The following DCHS2 variants were observed in gnomAD, a reference collection of about 807,000 sequenced individuals.
DCHS2 encodes the protein protocadherin-23.
DCHS2 carries 142 observed loss-of-function variants against 182.4 expected under a neutral mutation model. The ratio of observed to expected loss-of-function variants is 0.78; its 90% CI spans 0.68 to 0.89. DCHS2 has a LOEUF of 0.89. Ranked by LOEUF, DCHS2 falls within the 40% of genes least tolerant of loss-of-function variation. The probability of loss-of-function intolerance (pLI) is 0.00; values close to 1 mark genes in which losing one functional copy is unlikely to be tolerated. For synonymous variants in DCHS2, 1,740 were observed against 1,663.3 expected (o/e 1.05, Z -1.12); for missense variants, 4,319 against 4,198.6 (o/e 1.03, Z -0.79).
At chr4:154,385,842 C>T (rs1049516358) in intron 1 of DCHS2, among the ~76,000 whole-genome samples, 2 of 151,998 alleles carry the variant, frequency 1.3e-5, no homozygotes, top group South Asian at 2.1e-4. Flanking sequence ...GTTACTGCAG[C>T]CCTAGGAAAT....
At chr4:154,381,212 T>C (rs960463792) in intron 1 of DCHS2, among the ~76,000 whole-genome samples, 15 of 152,128 alleles carry the variant, frequency 9.9e-5, no homozygotes, top group Non-Finnish European at 1.5e-5. Flanking sequence ...TAGACAGAGA[T>C]GAATCTGATA....
At chr4:154,289,266 T>C (rs11099948) in intron 13 of DCHS2, among the ~76,000 whole-genome samples, 54,940 of 151,776 alleles carry the variant, frequency 0.36, 10,143 homozygotes, top group East Asian at 0.49. Context: ...TTCCGACAGA[T>C]ACTACATAAA....
intron 14 of DCHS2, among the ~76,000 whole-genome samples, chr4:154,268,001 G>T (rs962183431): frequency 2.0e-5 from 3 of 152,146 alleles, no homozygotes; most frequent in African/African-American, 4.8e-5. Flanking sequence ...TTCTATTCAA[G>T]TCTTCCACCC....
In DCHS2 at chr4:154,329,595, G is replaced by C; in HGVS notation, c.3846C>G (p.Val1282=). The change falls in exon 6 of 20, where the codon GTC becomes GTG. Residue 1282 remains valine (V), a synonymous_variant. Transcript: ENST00000357232. ...PPRNATMAVY[V]SVTDINDNRP... ...TGTTATCATTGATGTCAGTAACTGA[G>C]ACGTAAACCGCCATGGTGGCGTTTC... is the stretch of plus-strand genomic sequence containing the variant. 6.2e-7 allele frequency: 1 copy of C among 1,613,474 alleles called. No homozygotes were observed. The highest frequency in any genetic ancestry group is 8.5e-7 in the Non-Finnish European group (1 of 1,179,906).
chr4:154,391,594 C>T (rs922243424), intron 1 of DCHS2, among the ~76,000 whole-genome samples: 2 of 152,156 alleles, frequency 1.3e-5, no homozygotes, highest in Non-Finnish European at 1.5e-5. Flanking sequence ...AAAGACAAGG[C>T]GATGGGCAAC....
intron 13 of DCHS2, among the ~76,000 whole-genome samples, chr4:154,294,060 C>T (rs1734800701): frequency 6.6e-6 from 1 of 152,084 alleles, no homozygotes; most frequent in Non-Finnish European, 1.5e-5. Flanking sequence ...TTGGGGAATA[C>T]CCACTAGGAG....
At position 154,320,481 on chromosome 4, in the gene DCHS2, G is replaced by T; in HGVS notation, c.4918C>A (p.His1640Asn). ...TCGTCTGGATCGTGAGCAGTTATGT[G>T]GTGGACCAAGGAGCCCACTGTGACA... Reference protein sequence around the residue: ...EDVTVGSLVHHITAHDPDEGR... With the variant: ...EDVTVGSLVHNITAHDPDEGR... Residue 1640 changes from histidine to asparagine, a missense_variant, in exon 9 of 20, where the codon CAC becomes AAC. Physicochemically the swap from His to Asn is moderately conservative, Grantham distance 68. Transcript: ENST00000357232. 1.2e-6 allele frequency: 2 copies of T among 1,614,104 alleles called. No homozygotes were observed. The highest frequency in any genetic ancestry group is 1.7e-6 in the Non-Finnish European group (2 of 1,180,010).
At chr4:154,359,784 T>C (rs1362514857) in intron 3 of DCHS2, among the ~76,000 whole-genome samples, 1 of 152,044 alleles carries the variant, frequency 6.6e-6, no homozygotes. Context: ...AAAAAATTCT[T>C]AAGAAAAAAA....
At position 154,255,597 on chromosome 4, in the gene DCHS2, T is replaced by G. The variant is rs769744798; in HGVS notation, c.6863A>C (p.Glu2288Ala). The G allele has an allele frequency of 6.2e-7, 1 of 1,614,082 alleles. No individual in the cohort carries two copies. Among genetic ancestry groups the G allele is most frequent in the South Asian group, 1.1e-5 (1 of 91,068 alleles). Residue 2288 changes from glutamate to alanine, a missense_variant, in exon 16 of 20, where the codon GAA becomes GCA. Coordinates refer to ENST00000357232, the MANE Select transcript of DCHS2 (RefSeq NM_001358235.2). ...ACTCAGTGCATCAATCTGGAATGCT[T>G]CTTCTTGGTTGCCAGACAGAATAGA... Reference protein sequence around the residue: ...EYSILSGNQEEAFQIDALSGV... With the variant: ...EYSILSGNQEAAFQIDALSGV...
intron 3 of DCHS2, among the ~76,000 whole-genome samples, chr4:154,345,207 C>T (rs13112205): frequency 0.31 from 47,728 of 152,126 alleles, 9,131 homozygotes; most frequent in Non-Finnish European, 0.43. Flanking sequence ...GTTTTGATGA[C>T]GCCAAATGTT....
chr4:154,450,839 GA>G (rs1048092139), intron 1 of DCHS2, among the ~76,000 whole-genome samples: 2 of 151,548 alleles, frequency 1.3e-5, no homozygotes, highest in African/African-American at 2.4e-5. Context: ...AAAAAAGAAA[GA>G]AAAAAAAATT....
At chr4:154,270,180 G>C (rs952111889) in intron 13 of DCHS2, among the ~76,000 whole-genome samples, 167 bp from the exon 14 acceptor site, 7 of 152,010 alleles carry the variant, frequency 4.6e-5, no homozygotes, top group Admixed American at 4.6e-4. Context: ...TAGGTGCTAG[G>C]GATATACTAG....
At chr4:154,325,929 C>A (rs113480063) in intron 7 of DCHS2, among the ~76,000 whole-genome samples, 404 of 152,286 alleles carry the variant, frequency 2.7e-3, no homozygotes, top group Non-Finnish European at 4.9e-3. Flanking sequence ...CCTTGCCTTC[C>A]TTGCTTAACT....
chr4:154,395,036 G>A (rs1007623808), intron 1 of DCHS2, among the ~76,000 whole-genome samples: 2 of 152,106 alleles, frequency 1.3e-5, no homozygotes, highest in Non-Finnish European at 2.9e-5. Context: ...GCGTGAGACT[G>A]TAGGACAGGC....
intron 3 of DCHS2, chr4:154,352,366 C>A (rs527671420): frequency 2.0e-5 from 3 of 152,182 alleles, no homozygotes; most frequent in Non-Finnish European, 2.9e-5. Context: ...TGAGTAGCCA[C>A]CCCCTCTAAT....
At chr4:154,484,947 A>C (rs758625439) in intron 1 of DCHS2, among the ~76,000 whole-genome samples, 1 of 152,236 alleles carries the variant, frequency 6.6e-6, no homozygotes, top group Non-Finnish European at 1.5e-5. Flanking sequence ...GCTACAGTGG[A>C]ATGCATCCAT....
intron 5 of DCHS2, chr4:154,331,733 T>A: frequency 1.9e-6 from 3 of 1,603,842 alleles, no homozygotes; most frequent in Non-Finnish European, 2.6e-6. Context: ...AAAGGGAGCT[T>A]CTTCTCATCT....
At chr4:154,340,511 T>G (rs1729015349) in intron 3 of DCHS2, among the ~76,000 whole-genome samples, 1 of 152,142 alleles carries the variant, frequency 6.6e-6, no homozygotes, top group Non-Finnish European at 1.5e-5. Flanking sequence ...CCCCTCCAAA[T>G]CCCCAAACTG....
chr4:154,366,515 C>T (rs926778563), intron 2 of DCHS2, 74 bp from the exon 3 acceptor site: 13 of 973,386 alleles, frequency 1.3e-5, no homozygotes, highest in Admixed American at 2.0e-5. Flanking sequence ...TGACAATGGC[C>T]CTACAATAGT....
Sources: gnomAD v4.1 joint callset for allele counts (sites outside exome capture counted in the v4.1 genomes callset) on GRCh38, gnomAD v4.1.1 for gene constraint, MANE v1.5 for transcripts, NCBI Gene and HGNC (gene_info 2026-07-23, HGNC 2026-07-21) for gene names.